Variants in UGT1A7 observed in about 807,000 individuals in gnomAD.
UGT1A7 encodes the protein UDP glucuronosyltransferase family 1 member A7.
A neutral mutation model predicts 45.6 loss-of-function variants in UGT1A7; 33 were observed. The observed-to-expected ratio is 0.72, with a 90% CI of 0.55 to 0.97. UGT1A7 has a LOEUF of 0.97. UGT1A7 is among the 50% of genes least tolerant of loss of function. The pLI is 0.00. For missense variants in UGT1A7, 684 were observed against 666.2 expected, an observed-to-expected ratio of 1.03 and a Z score of -0.29; for synonymous variants, 274 against 250.6, an observed-to-expected ratio of 1.09 and a Z score of -0.88.
chr2:233,688,361 T>C (rs1481514327), intron 1 of UGT1A7, among the ~76,000 whole-genome samples: 1 of 152,258 alleles, frequency 6.6e-6, no homozygotes, highest in Admixed American at 6.5e-5. Flanking sequence ...AAAATAATGT[T>C]GTTGTGAACA....
chr2:233,741,432 C>T (rs1352002109), intron 1 of UGT1A7: 1 of 151,408 alleles, frequency 6.6e-6, no homozygotes, highest in Non-Finnish European at 1.5e-5. Flanking sequence ...AGCAAACCTA[C>T]TCAGCAAACT....
At chr2:233,710,968 G>A (rs1190110979) in intron 1 of UGT1A7, among the ~76,000 whole-genome samples, 1 of 152,154 alleles carries the variant, frequency 6.6e-6, no homozygotes, top group African/African-American at 2.4e-5. Flanking sequence ...TTGGCAGAGG[G>A]GAATATACAA....
rs34903743 is a variant in UGT1A7 at position 233,767,311 on chromosome 2, T to G, written c.987+146T>G. 5,888 of 1,514,258 alleles carry G rather than the reference T, an allele frequency of 3.9e-3. 20 individuals carry two copies. Among genetic ancestry groups the G allele is most frequent in the Admixed American group, 4.9e-3 (211 of 43,394 alleles). The allele number at this position is 1,514,258 out of a possible 1,614,324, so 93.8% of individuals were successfully genotyped here. A position where few individuals can be genotyped will look rare whatever the true frequency, so the allele number is the denominator to read the frequency against. On this transcript the variant is annotated intron_variant, in intron 2 of 4. Coordinates refer to ENST00000373426, the MANE Select transcript of UGT1A7 (RefSeq NM_019077.3). Reference sequence around the variant, plus strand: ...CCCAACTATTAATCCAAAGGTTTTTTTTGTTGTTGTGGTTGTTGTCATTGT... The same window carrying G: ...CCCAACTATTAATCCAAAGGTTTTTGTTGTTGTTGTGGTTGTTGTCATTGT...
At chr2:233,713,365 A>G (rs759531587) in intron 1 of UGT1A7, 3 of 1,614,078 alleles carry the variant, frequency 1.9e-6, no homozygotes, top group African/African-American at 1.3e-5. Flanking sequence ...TTGATCATAC[A>G]TAGGTCTTGT....
intron 1 of UGT1A7, among the ~76,000 whole-genome samples, chr2:233,732,641 C>A (rs1039545438): frequency 3.9e-5 from 6 of 152,094 alleles, no homozygotes; most frequent in African/African-American, 1.4e-4. Context: ...TTTCTGAGAC[C>A]ACTGTTCTGC....
Position 233,767,174 on chromosome 2 carries a change from A to G in UGT1A7, c.987+9A>G. 1.2e-6 allele frequency: 2 copies of G among 1,614,054 alleles called. No homozygotes were observed. Among genetic ancestry groups the G allele is most frequent in the Non-Finnish European group, 1.7e-6 (2 of 1,180,004 alleles). ...GCAAAATCCCTCAGACAGTAAGAAG[A>G]TTCTATACCATGGCCTCATATCTAT... is the stretch of plus-strand genomic sequence containing the variant. On this transcript the variant is annotated intron_variant, in intron 2 of 4. Transcript: ENST00000373426.
chr2:233,729,493 G>A, intron 1 of UGT1A7: 5 of 1,614,180 alleles, frequency 3.1e-6, no homozygotes, highest in Non-Finnish European at 4.2e-6. Context: ...TATGTCTTTG[G>A]TCTATCATAG....
chr2:233,729,186 C>G, intron 1 of UGT1A7: 1 of 1,613,952 alleles, frequency 6.2e-7, no homozygotes, highest in Non-Finnish European at 8.5e-7. Flanking sequence ...TGCTTCTCCT[C>G]AGTGTCCAGC....
Position 233,767,923 on chromosome 2 carries a change from A to G in UGT1A7, c.1062A>G (p.Gln354=), listed in dbSNP as rs553243445. ...NNTILVKWLP[Q]NDLLGHPMTR... ...CGATACTTGTTAAGTGGCTACCCCA[A>G]AACGATCTGCTTGGTATGTTGGGCG... Residue 354 remains glutamine (Q), a synonymous_variant, in exon 3 of 5, where the codon CAA becomes CAG. Transcript: ENST00000373426. The G allele has an allele frequency of 2.8e-5, 45 of 1,614,102 alleles. No individual in the cohort carries two copies. The highest frequency in any genetic ancestry group is 1.6e-4 in the Middle Eastern group (1 of 6,084).
chr2:233,697,860 A>G (rs1477304653), intron 1 of UGT1A7, among the ~76,000 whole-genome samples: 1 of 152,154 alleles, frequency 6.6e-6, no homozygotes, highest in Non-Finnish European at 1.5e-5. Context: ...AAAGTTATGC[A>G]TTTATTTAAT....
intron 1 of UGT1A7, among the ~76,000 whole-genome samples, chr2:233,757,694 G>C (rs757732265): frequency 2.6e-5 from 4 of 151,666 alleles, no homozygotes; most frequent in Non-Finnish European, 5.9e-5. Context: ...ATTCAAGGAA[G>C]GTGGCTTTGC....
chr2:233,732,205 G>A (rs1179659019), intron 1 of UGT1A7, among the ~76,000 whole-genome samples: 1 of 152,068 alleles, frequency 6.6e-6, no homozygotes, highest in East Asian at 1.9e-4. Context: ...TTGTCAGATG[G>A]GTAGATTGCA....
At chr2:233,747,897 G>T in intron 1 of UGT1A7, 2 of 1,613,482 alleles carry the variant, frequency 1.2e-6, no homozygotes, top group Non-Finnish European at 1.7e-6. Flanking sequence ...TGCTCTTTCT[G>T]CTCCTTATGC....
At chr2:233,706,824 A>G (rs2125605408) in intron 1 of UGT1A7, among the ~76,000 whole-genome samples, 2 of 152,344 alleles carry the variant, frequency 1.3e-5, no homozygotes, top group Middle Eastern at 3.4e-3. Flanking sequence ...ATCCCAGGGC[A>G]GGACTCTAAA....
At position 233,682,603 on chromosome 2, in the gene UGT1A7, T is replaced by A. The variant is rs775314877; in HGVS notation, c.666T>A (p.Tyr222Ter). The A allele has an allele frequency of 1.2e-6, 2 of 1,613,928 alleles. No individual in the cohort carries two copies. The highest frequency in any genetic ancestry group is 1.7e-6 in the Non-Finnish European group (2 of 1,179,844). The change falls in exon 1 of 5, where the codon TAT (tyrosine) becomes TAA (stop). Residue 222 changes from tyrosine (Y) to a stop codon, truncating the protein, a stop_gained. Coordinates refer to ENST00000373426, the MANE Select transcript of UGT1A7 (RefSeq NM_019077.3). LOFTEE classifies it high-confidence loss of function. Reference sequence around the variant, plus strand: ...TGGAGGAACATTTATTTTGCCCCTATTTTTTCAAAAATGTCTTAGAAATAG... The same window carrying A: ...TGGAGGAACATTTATTTTGCCCCTAATTTTTCAAAAATGTCTTAGAAATAG... ...MHLEEHLFCP[Y>*]FFKNVLEIAS...
chr2:233,687,709 C>T (rs1309741669), intron 1 of UGT1A7, among the ~76,000 whole-genome samples: 1 of 151,936 alleles, frequency 6.6e-6, no homozygotes, highest in Non-Finnish European at 1.5e-5. Context: ...TTGAGACCAG[C>T]CTGGACAACA....
At chr2:233,729,873 C>T (rs758100575) in intron 1 of UGT1A7, 1 of 1,613,864 alleles carries the variant, frequency 6.2e-7, no homozygotes, top group Non-Finnish European at 8.5e-7. Context: ...TGGATATTCT[C>T]AGTCATGCAT....
chr2:233,722,001 G>C, intron 1 of UGT1A7: 1 of 262,504 alleles, frequency 3.8e-6, no homozygotes. Context: ...TGTCCTTTAA[G>C]TGAACAGGAA....
intron 1 of UGT1A7, chr2:233,693,911 C>T: frequency 6.2e-7 from 1 of 1,612,432 alleles, no homozygotes; most frequent in Non-Finnish European, 8.5e-7. Flanking sequence ...CTTCCAGGCT[C>T]TGTCCTCCCT....
Sources: gnomAD v4.1 joint callset for allele counts (sites outside exome capture counted in the v4.1 genomes callset) on GRCh38, gnomAD v4.1.1 for gene constraint, MANE v1.5 for transcripts, NCBI Gene and HGNC (gene_info 2026-07-23, HGNC 2026-07-21) for gene names.